Variants in DLGAP2 observed in about 807,000 individuals in gnomAD.
DLGAP2 encodes disks large-associated protein 2.
A neutral mutation model predicts 100.3 loss-of-function variants in DLGAP2; 26 were observed. The observed-to-expected ratio is 0.26, with a 90% confidence interval of 0.19 to 0.36. The LOEUF is 0.36. DLGAP2 is among the 10% of genes least tolerant of loss of function. The pLI is 1.00. For synonymous variants in DLGAP2, 886 were observed against 630.1 expected, an observed-to-expected ratio of 1.41 and a Z score of -6.08; for missense variants, 1,858 against 1,453.2, an observed-to-expected ratio of 1.28 and a Z score of -4.53.
intron 1 of DLGAP2, among the ~76,000 whole-genome samples, chr8:824,638 C>T (rs1379668013): frequency 2.0e-5 from 3 of 151,966 alleles, no homozygotes; most frequent in African/African-American, 4.8e-5. Flanking sequence ...CTGCTGACCT[C>T]CTGGTGGTTC....
intron 3 of DLGAP2, among the ~76,000 whole-genome samples, chr8:1,417,253 G>A (rs1408483585): frequency 7.2e-6 from 1 of 139,112 alleles, no homozygotes; most frequent in Non-Finnish European, 1.6e-5. Context: ...GGGGAGACCG[G>A]CATTCATTTA....
intron 1 of DLGAP2, among the ~76,000 whole-genome samples, chr8:746,540 G>A (rs773030564): frequency 1.8e-4 from 27 of 152,240 alleles, no homozygotes; most frequent in Non-Finnish European, 3.8e-4. Context: ...ATAGAGGGCC[G>A]TCCACTGTGG....
At chr8:1,106,750 T>C (rs527965216) in intron 2 of DLGAP2, among the ~76,000 whole-genome samples, 3 of 147,272 alleles carry the variant, frequency 2.0e-5, no homozygotes, top group Non-Finnish European at 4.5e-5. Context: ...GGGTTTTCTA[T>C]TGAAGGGAGC....
At chr8:1,582,732 A>G (rs1210491886) in intron 6 of DLGAP2, among the ~76,000 whole-genome samples, 2 of 152,086 alleles carry the variant, frequency 1.3e-5, no homozygotes, top group Non-Finnish European at 2.9e-5. Flanking sequence ...TGGGATTACA[A>G]GTGTGCACCA....
At chr8:1,626,943 A>G (rs1470164233) in intron 7 of DLGAP2, 56 bp downstream of exon 7, 2 of 1,539,948 alleles carry the variant, frequency 1.3e-6, no homozygotes, top group Non-Finnish European at 1.8e-6. Context: ...CCAGGCTGGC[A>G]CGGAGGCCCC....
At chr8:974,039 G>GTAAC (rs1800098920) in intron 2 of DLGAP2, among the ~76,000 whole-genome samples, 1 of 152,070 alleles carries the variant, frequency 6.6e-6, no homozygotes, top group Non-Finnish European at 1.5e-5. Flanking sequence ...TACAAAAGAA[G>GTAAC]TAACATATGT....
chr8:1,287,817 A>C, intron 3 of DLGAP2, among the ~76,000 whole-genome samples: 1 of 98,788 alleles, frequency 1.0e-5, no homozygotes, highest in Non-Finnish European at 1.9e-5. Flanking sequence ...TAGGACGGGA[A>C]CTAGTTTTGG....
At chr8:1,078,874 C>T (rs1291414718) in intron 2 of DLGAP2, among the ~76,000 whole-genome samples, 2 of 152,164 alleles carry the variant, frequency 1.3e-5, no homozygotes, top group African/African-American at 2.4e-5. Flanking sequence ...CACTTGTGTG[C>T]AGGTTTTTGT....
chr8:1,535,884 G>A (rs993951199), intron 4 of DLGAP2, among the ~76,000 whole-genome samples: 1 of 152,224 alleles, frequency 6.6e-6, no homozygotes, highest in Non-Finnish European at 1.5e-5. Flanking sequence ...CATGGACGGT[G>A]CTGTGGATGG....
chr8:1,504,861 A>G (rs1799852259), intron 4 of DLGAP2, among the ~76,000 whole-genome samples: 1 of 152,208 alleles, frequency 6.6e-6, no homozygotes, highest in African/African-American at 2.4e-5. Context: ...CCTTCCACAC[A>G]TCCATTTTAT....
intron 2 of DLGAP2, among the ~76,000 whole-genome samples, chr8:1,061,230 G>C (rs1200388508): frequency 6.6e-6 from 1 of 152,120 alleles, no homozygotes; most frequent in African/African-American, 2.4e-5. Context: ...AACTCTTTGG[G>C]TCACTGGAAT....
intron 12 of DLGAP2, among the ~76,000 whole-genome samples, 173 bp from the exon 13 acceptor site, chr8:1,691,362 G>A (rs113039014): frequency 0.018 from 2,727 of 152,298 alleles, 50 homozygotes; most frequent in Non-Finnish European, 0.023. Context: ...TCCTTCATGA[G>A]TTGGGGACGA....
At chr8:1,527,859 TTC>T (rs1800844252) in intron 4 of DLGAP2, among the ~76,000 whole-genome samples, 2 of 152,112 alleles carry the variant, frequency 1.3e-5, no homozygotes, top group African/African-American at 4.8e-5. Context: ...TTTTAATATT[TTC>T]TGTTTGAAAA....
chr8:1,148,221 C>T (rs544995270), intron 2 of DLGAP2, among the ~76,000 whole-genome samples: 5 of 152,202 alleles, frequency 3.3e-5, no homozygotes, highest in Middle Eastern at 6.8e-3. Context: ...TTTTCCATTT[C>T]AGTTGGATTT....
At chr8:1,301,393 C>G (rs1800335390) in intron 3 of DLGAP2, 1 of 152,206 alleles carries the variant, frequency 6.6e-6, no homozygotes, top group African/African-American at 2.4e-5. Flanking sequence ...AAGTTCTGCT[C>G]TCAACAGCAA....
intron 2 of DLGAP2, among the ~76,000 whole-genome samples, chr8:1,202,509 C>T (rs569004546): frequency 8.5e-5 from 13 of 152,100 alleles, no homozygotes; most frequent in African/African-American, 3.1e-4. Context: ...GTCAGACATA[C>T]AAAAACATGT....
chr8:1,568,975 C>G (rs1802542165), intron 6 of DLGAP2, among the ~76,000 whole-genome samples: 1 of 144,206 alleles, frequency 6.9e-6, no homozygotes, highest in Non-Finnish European at 1.5e-5. Flanking sequence ...TCAGCAGACA[C>G]AAATCCATCT....
rs76675289 is a variant in DLGAP2 at position 1,469,291 on chromosome 8, C to T, written c.107-32075C>T. Reference sequence around the variant, plus strand: ...GCCACCCTGGCTCCCAGGACAACACCTTGCGGCATTCAGCTCTGAGCTGCT... The same window carrying T: ...GCCACCCTGGCTCCCAGGACAACACTTTGCGGCATTCAGCTCTGAGCTGCT... On this transcript the variant is annotated intron_variant, in intron 3 of 14. Coordinates refer to ENST00000637795, the MANE Select transcript of DLGAP2 (RefSeq NM_001346810.2). Among the ~76,000 whole-genome samples, 977 of 152,338 alleles carry T rather than the reference C, an allele frequency of 6.4e-3. 13 individuals carry two copies. Among genetic ancestry groups the T allele is most frequent in the African/African-American group, 0.023 (942 of 41,576 alleles).
chr8:1,566,195 C>T (rs1802394548), intron 6 of DLGAP2, among the ~76,000 whole-genome samples: 1 of 152,152 alleles, frequency 6.6e-6, no homozygotes, highest in Non-Finnish European at 1.5e-5. Context: ...AGGACAAGCA[C>T]ATGTCTCTGT....
Sources: gnomAD v4.1 joint callset for allele counts (sites outside exome capture counted in the v4.1 genomes callset) on GRCh38, gnomAD v4.1.1 for gene constraint, MANE v1.5 for transcripts, NCBI Gene and HGNC (gene_info 2026-07-23, HGNC 2026-07-21) for gene names.